The following RNF180 variants were observed in gnomAD, a reference collection of about 807,000 sequenced individuals.
RNF180 encodes the protein ring finger protein 180, also known as E3 ubiquitin-protein ligase RNF180.
Under a neutral mutation model 59.2 loss-of-function variants are expected in RNF180, and 38 were observed. The observed-to-expected ratio is 0.64, with a 90% CI of 0.50 to 0.84. RNF180 has a LOEUF of 0.84. RNF180 is among the 40% of genes least tolerant of loss of function. RNF180 has a pLI of 0.00. For missense variants in RNF180, 705 were observed against 700.9 expected (o/e 1.01, Z -0.07); for synonymous variants, 262 against 240.3 (o/e 1.09, Z -0.84).
chr5:64,235,312 G>T (rs1580075357), intron 5 of RNF180, among the ~76,000 whole-genome samples: 1 of 151,924 alleles, frequency 6.6e-6, no homozygotes, highest in African/African-American at 2.4e-5. Flanking sequence ...ACCAAAGCAG[G>T]CTATATGAGT....
intron 5 of RNF180, among the ~76,000 whole-genome samples, chr5:64,282,879 T>C (rs994991982): frequency 1.3e-5 from 2 of 152,240 alleles, no homozygotes; most frequent in South Asian, 4.1e-4. Context: ...GTGGTTGTTA[T>C]GATTTCAGTT....
chr5:64,365,105 G>GGGTTT (rs1746397149), intron 7 of RNF180, among the ~76,000 whole-genome samples: 1 of 151,438 alleles, frequency 6.6e-6, no homozygotes. Flanking sequence ...TCTAGCTTTG[G>GGGTTT]GGTTGGTTTG....
chr5:64,303,448 G>GA (rs1214820630), intron 5 of RNF180, among the ~76,000 whole-genome samples: 1 of 151,520 alleles, frequency 6.6e-6, no homozygotes. Context: ...TGAAAGCAAA[G>GA]AAAAAGTTCT....
rs1482572615 is a variant in RNF180, at chr5:64,308,108, T to C, written c.1228-17078T>C. ...TCTAAGAAGAAAGCCAAGGCTATTC[T>C]GATTGCAGTGCAGTTATGCATAGGA... On this transcript the variant is annotated intron_variant, in intron 5 of 7. Coordinates refer to ENST00000389100, the MANE Select transcript of RNF180 (RefSeq NM_001113561.2). Among the ~76,000 whole-genome samples the C allele has an allele frequency of 5.3e-5, 8 of 151,810 alleles. No individual in the cohort carries two copies. The Admixed American group carries it at 5.3e-4, about 10-fold the overall frequency.
intron 5 of RNF180, among the ~76,000 whole-genome samples, chr5:64,291,641 A>C (rs1163277094): frequency 6.6e-6 from 1 of 151,296 alleles, no homozygotes; most frequent in Non-Finnish European, 1.5e-5. Context: ...GTTAGCCAGA[A>C]TGGTCTCGAT....
chr5:64,243,918 G>A (rs543756931), intron 5 of RNF180, among the ~76,000 whole-genome samples: 1 of 152,274 alleles, frequency 6.6e-6, no homozygotes, highest in East Asian at 1.9e-4. Context: ...TTGCTGTTCT[G>A]CAGTCTTTGC....
chr5:64,177,990 G>A (rs549266495), intron 1 of RNF180, among the ~76,000 whole-genome samples: 1 of 151,994 alleles, frequency 6.6e-6, no homozygotes, highest in Admixed American at 6.6e-5. Context: ...TGGATAATGA[G>A]GTCAGGAGAT....
At chr5:64,316,527 G>C (rs1430982478) in intron 5 of RNF180, among the ~76,000 whole-genome samples, 1 of 152,090 alleles carries the variant, frequency 6.6e-6, no homozygotes, top group East Asian at 1.9e-4. Flanking sequence ...ACGTACTATG[G>C]TGTTGTAATG....
At chr5:64,177,711 G>A (rs995839111) in intron 1 of RNF180, among the ~76,000 whole-genome samples, 44 of 151,846 alleles carry the variant, frequency 2.9e-4, no homozygotes, top group Admixed American at 7.2e-4. Context: ...GTTAGTCAGT[G>A]TTCTGGTAGA....
chr5:64,344,641 T>C (rs1255589886), intron 7 of RNF180, among the ~76,000 whole-genome samples: 1 of 152,118 alleles, frequency 6.6e-6, no homozygotes, highest in African/African-American at 2.4e-5. Flanking sequence ...TCAAAGTCAG[T>C]GCTTTGGAGT....
chr5:64,214,479 A>G lies in RNF180; in HGVS notation c.1153A>G (p.Arg385Gly), dbSNP rs771543015. ...RERSKLKNLR[R>G]KQRRRERWLQ... Reference sequence around the variant, plus strand: ...AAGGAGCAAGTTGAAGAATCTAAGAAGGAAACAACGAAGGCGTGAAAGATG... The same window carrying G: ...AAGGAGCAAGTTGAAGAATCTAAGAGGGAAACAACGAAGGCGTGAAAGATG... Residue 385 changes from arginine to glycine, a missense_variant, in exon 4 of 8, where the codon AGG becomes GGG. Arg to Gly is a moderately radical substitution (Grantham distance 125, BLOSUM62 -2). Coordinates refer to ENST00000389100, the MANE Select transcript of RNF180 (RefSeq NM_001113561.2). 2 of 1,613,984 alleles carry G rather than the reference A, an allele frequency of 1.2e-6. No homozygotes were observed. Among genetic ancestry groups the G allele is most frequent in the South Asian group, 2.2e-5 (2 of 91,078 alleles).
intron 7 of RNF180, among the ~76,000 whole-genome samples, chr5:64,343,854 T>C (rs1292178342): frequency 6.6e-6 from 1 of 151,332 alleles, no homozygotes; most frequent in Non-Finnish European, 1.5e-5. Flanking sequence ...TAAAGGTAGC[T>C]CTTTAGGGCA....
At chr5:64,291,749 G>T (rs1221662899) in intron 5 of RNF180, among the ~76,000 whole-genome samples, 1 of 152,110 alleles carries the variant, frequency 6.6e-6, no homozygotes, top group Non-Finnish European at 1.5e-5. Flanking sequence ...TTCTAATATG[G>T]TTCCATTCTC....
chr5:64,328,548 A>T (rs1018539010), intron 6 of RNF180, among the ~76,000 whole-genome samples: 1 of 152,212 alleles, frequency 6.6e-6, no homozygotes, highest in African/African-American at 2.4e-5. Context: ...ACTCTCTAGC[A>T]TACATGATGA....
chr5:64,337,329 T>TTTA lies in RNF180; in HGVS notation c.1579+6926_1579+6928dup, dbSNP rs538789059. On this transcript the variant is annotated intron_variant, in intron 7 of 7. Coordinates refer to ENST00000389100, the MANE Select transcript of RNF180 (RefSeq NM_001113561.2). ...AAGCCTCGCTTAGATGTTTTAAATA[T>TTTA]TTATTTTGTAGTTTTACTTTTTCGG... is the stretch of plus-strand genomic sequence containing the variant. Among the ~76,000 whole-genome samples the TTTA allele has an allele frequency of 3.4e-3, 511 of 152,190 alleles. 6 individuals are homozygous for TTTA. The highest frequency in any genetic ancestry group is 1.4e-3 in the Non-Finnish European group (97 of 67,998).
intron 5 of RNF180, among the ~76,000 whole-genome samples, chr5:64,261,677 T>G (rs1345140941): frequency 6.6e-6 from 1 of 152,196 alleles, no homozygotes; most frequent in Non-Finnish European, 1.5e-5. Context: ...GGTTGAATGT[T>G]ACAAACATAT....
At chr5:64,325,448 A>T in intron 6 of RNF180, 37 bp downstream of exon 6, 1 of 1,328,660 alleles carries the variant, frequency 7.5e-7, no homozygotes, top group Non-Finnish European at 1.1e-6. Flanking sequence ...TTGTCTGATT[A>T]TTCTACCTCT....
intron 5 of RNF180, among the ~76,000 whole-genome samples, chr5:64,322,250 A>G (rs535313592): frequency 6.6e-6 from 1 of 152,324 alleles, no homozygotes; most frequent in South Asian, 2.1e-4. Context: ...AATTTTTTCA[A>G]TCTACCCATC....
At chr5:64,347,519 G>A (rs1042246866) in intron 7 of RNF180, among the ~76,000 whole-genome samples, 4 of 152,054 alleles carry the variant, frequency 2.6e-5, no homozygotes, top group Non-Finnish European at 4.4e-5. Flanking sequence ...TTGCCAGCTG[G>A]TGGAGCTACT....
Sources: gnomAD v4.1 joint callset for allele counts (sites outside exome capture counted in the v4.1 genomes callset) on GRCh38, gnomAD v4.1.1 for gene constraint, MANE v1.5 for transcripts, NCBI Gene and HGNC (gene_info 2026-07-23, HGNC 2026-07-21) for gene names.